Variants in GLI2 observed in about 807,000 individuals in gnomAD.
GLI2 encodes the protein transcription activator GLI2.
Under a neutral mutation model 78.9 loss-of-function variants are expected in GLI2, and 22 were observed. The observed-to-expected ratio is 0.28, with a 90% CI of 0.20 to 0.40. The LOEUF (loss-of-function observed/expected upper bound fraction) is 0.40. Among genes scored for constraint, GLI2 ranks in the 10% least tolerant of loss-of-function variants. The pLI, the probability that GLI2 is intolerant of heterozygous loss-of-function variation, is 1.00. For missense variants in GLI2, 2,097 were observed against 2,213.2 expected (o/e 0.95, Z 1.05); for synonymous variants, 974 against 963.7 (o/e 1.01, Z -0.20).
At chr2:120,809,365 A>G (rs1685121335) in intron 2 of GLI2, among the ~76,000 whole-genome samples, 1 of 152,146 alleles carries the variant, frequency 6.6e-6, no homozygotes, top group Admixed American at 6.5e-5. Flanking sequence ...CTGGGAGAAG[A>G]GGGAATGGGG....
rs544201599 is a variant in GLI2 at position 120,737,644 on chromosome 2, C to T, written c.-31+1359C>T. On this transcript the variant is annotated intron_variant, in intron 1 of 13. Transcript: ENST00000361492. This position sits in a 1 kb window ranked among gnomAD's most constrained non-coding sequence, Gnocchi z 4.3. ...GCGGTGTCCCGGGCCCCCTCTCCGC[C>T]GCTCTTGCCGGGCGTGTGAAGGTTT... Among the ~76,000 whole-genome samples the T allele has an allele frequency of 2.0e-5, 3 of 152,288 alleles. No individual in the cohort carries two copies. In the South Asian group the frequency reaches 6.2e-4, roughly 32 times the overall value.
intron 2 of GLI2, among the ~76,000 whole-genome samples, chr2:120,829,051 C>G (rs549071454): frequency 1.3e-5 from 2 of 151,598 alleles, no homozygotes; most frequent in East Asian, 3.9e-4. Flanking sequence ...ACCACATGCT[C>G]ACAGTCACAC....
chr2:120,847,881 G>T (rs1687197628), intron 2 of GLI2, among the ~76,000 whole-genome samples: 1 of 152,200 alleles, frequency 6.6e-6, no homozygotes, highest in Non-Finnish European at 1.5e-5. Flanking sequence ...CCAGCCGCAT[G>T]TGGCTCCAAA....
chr2:120,847,264 T>C lies in GLI2; in HGVS notation c.148+49796T>C, dbSNP rs192735736. On this transcript the variant is annotated intron_variant, in intron 2 of 13. Transcript: ENST00000361492. ...CATCCTGGGATGGGCCCAAAACGTT[T>C]TAATTTTTTAATAATCGGAAGAAAA... Among the ~76,000 whole-genome samples the C allele has an allele frequency of 1.9e-4, 29 of 152,254 alleles. No individual in the cohort carries two copies. In the East Asian group the frequency reaches 4.6e-3, roughly 24 times the overall value.
At chr2:120,874,530 G>A (rs1309181199) in intron 2 of GLI2, among the ~76,000 whole-genome samples, 1 of 152,222 alleles carries the variant, frequency 6.6e-6, no homozygotes, top group African/African-American at 2.4e-5. Context: ...GTGCCTGGAA[G>A]CGGGCCTTGC....
At chr2:120,771,986 T>C (rs916328382) in intron 1 of GLI2, among the ~76,000 whole-genome samples, 2 of 152,162 alleles carry the variant, frequency 1.3e-5, no homozygotes, top group Non-Finnish European at 2.9e-5. Flanking sequence ...GTTTTCGGAG[T>C]GACCCCTGTC....
In GLI2 at chr2:120,990,330, GC is replaced by G; in HGVS notation, c.4367del (p.Pro1456HisfsTer57). ...GGAGCTGCCAGGTCATGCGGTCCCA[GC>G]CACCACAGCCACAGGCCTGTCAGGA... The part of the protein sequence containing the change: ...LGSCQVMRSQ[P>X]PQPQACQDSI... On this transcript the variant is annotated frameshift_variant, in exon 14 of 14. Transcript: ENST00000361492. LOFTEE classifies it high-confidence loss of function. The G allele has an allele frequency of 6.2e-7, 1 of 1,613,830 alleles. No individual in the cohort carries two copies. The highest frequency in any genetic ancestry group is 8.5e-7 in the Non-Finnish European group (1 of 1,180,026).
intron 2 of GLI2, among the ~76,000 whole-genome samples, chr2:120,845,960 T>C (rs1032844162): frequency 6.6e-6 from 1 of 152,182 alleles, no homozygotes; most frequent in South Asian, 2.1e-4. Context: ...AGTGGAATTA[T>C]CTAAGTCAGT....
At chr2:120,886,128 G>C (rs372668198) in intron 2 of GLI2, among the ~76,000 whole-genome samples, 2 of 144,648 alleles carry the variant, frequency 1.4e-5, no homozygotes, top group African/African-American at 5.1e-5. Context: ...TTTGAGACAG[G>C]GTCTTGGAAC....
At chr2:120,916,678 C>T (rs7574056) in intron 2 of GLI2, among the ~76,000 whole-genome samples, 2,286 of 152,306 alleles carry the variant, frequency 0.015, 60 homozygotes, top group African/African-American at 0.053. Context: ...TTACATTGAG[C>T]GAGTAGGGGA....
At chr2:120,791,452 C>T (rs1270689797) in intron 1 of GLI2, among the ~76,000 whole-genome samples, 1 of 152,226 alleles carries the variant, frequency 6.6e-6, no homozygotes, top group Non-Finnish European at 1.5e-5. Flanking sequence ...GGGCCTCAGG[C>T]CGTGAGTCGG....
chr2:120,920,273 A>C (rs1408393663), intron 2 of GLI2, among the ~76,000 whole-genome samples: 1 of 152,264 alleles, frequency 6.6e-6, no homozygotes, highest in Non-Finnish European at 1.5e-5. Flanking sequence ...GAGCCCAGCC[A>C]CGGGGCAGTG....
intron 2 of GLI2, among the ~76,000 whole-genome samples, chr2:120,854,724 C>T (rs1250120864): frequency 1.3e-5 from 2 of 152,256 alleles, no homozygotes; most frequent in African/African-American, 2.4e-5. Flanking sequence ...CGCTGTTTGC[C>T]TAGCATGGGG....
chr2:120,981,081 A>G (rs572118134), intron 10 of GLI2, among the ~76,000 whole-genome samples: 1 of 152,218 alleles, frequency 6.6e-6, no homozygotes, highest in South Asian at 2.1e-4. Flanking sequence ...GGGTTTCACC[A>G]TGATGGCCAG....
intron 2 of GLI2, among the ~76,000 whole-genome samples, chr2:120,887,968 A>G (rs934258693): frequency 2.0e-5 from 3 of 152,236 alleles, no homozygotes; most frequent in Non-Finnish European, 4.4e-5. Context: ...CAGCTTGGGC[A>G]CAGCTAGCAG....
chr2:120,831,558 A>G (rs771841073), intron 2 of GLI2, among the ~76,000 whole-genome samples: 46 of 152,148 alleles, frequency 3.0e-4, no homozygotes, highest in Non-Finnish European at 4.4e-4. Flanking sequence ...ATTCCTTATT[A>G]TGGTTGGGGA....
rs760955543 is a variant in GLI2 at position 120,975,139 on chromosome 2, A to G, written c.1317+30A>G. ...GCTTTTGAACCCCAGCAGCCCGCCA[A>G]CCGGGGCACGGCCCAGGCCATGCAG... is the stretch of plus-strand genomic sequence containing the variant. On this transcript the variant is annotated intron_variant, in intron 9 of 13. Coordinates refer to ENST00000361492, the MANE Select transcript of GLI2 (RefSeq NM_001374353.1). 5 of 1,611,318 alleles carry G rather than the reference A, an allele frequency of 3.1e-6. No individual in the cohort carries two copies. The Admixed American group carries it at 6.7e-5, about 21-fold the overall frequency.
At chr2:120,770,860 C>T (rs1683501117) in intron 1 of GLI2, among the ~76,000 whole-genome samples, 2 of 152,312 alleles carry the variant, frequency 1.3e-5, no homozygotes, top group East Asian at 1.9e-4. Flanking sequence ...GCTGCTGGGA[C>T]CTGGTGGAAG....
At chr2:120,912,699 A>G (rs1431715852) in intron 2 of GLI2, among the ~76,000 whole-genome samples, 2 of 152,100 alleles carry the variant, frequency 1.3e-5, no homozygotes, top group Non-Finnish European at 2.9e-5. Flanking sequence ...ACTGCCCCTC[A>G]TGACCCCGGC....
Sources: allele counts gnomAD v4.1 joint callset (sites outside exome capture counted in the v4.1 genomes callset), GRCh38; gene constraint gnomAD v4.1.1; non-coding constraint Gnocchi (gnomAD v3.1); transcripts MANE v1.5; gene names NCBI Gene and HGNC (gene_info 2026-07-23, HGNC 2026-07-21).